Variants in CNNM2 observed in about 807,000 individuals in gnomAD.
CNNM2 encodes cyclin and CBS domain divalent metal cation transport mediator 2.
CNNM2 carries 12 observed loss-of-function variants against 66.9 expected under a neutral mutation model. The ratio of observed to expected loss-of-function variants is 0.18; its 90% CI spans 0.11 to 0.29. CNNM2 has a LOEUF of 0.29. Ranked by LOEUF, CNNM2 falls within the 10% of genes least tolerant of loss-of-function variation. The pLI, the probability that CNNM2 is intolerant of heterozygous loss-of-function variation, is 1.00. For synonymous variants in CNNM2, 557 were observed against 501.8 expected (o/e 1.11, Z -1.47); for missense variants, 705 against 1,167.7 (o/e 0.60, Z 5.77).
At chr10:103,041,964 G>T (rs370449735) in intron 1 of CNNM2, among the ~76,000 whole-genome samples, 3 of 152,102 alleles carry the variant, frequency 2.0e-5, no homozygotes, top group East Asian at 3.9e-4. Flanking sequence ...CTCAGTTTTT[G>T]TCTGTAGCTT....
chr10:103,062,239 T>G (rs909781310), intron 4 of CNNM2, among the ~76,000 whole-genome samples: 1 of 152,208 alleles, frequency 6.6e-6, no homozygotes, highest in African/African-American at 2.4e-5. Context: ...CAAAAGGGAC[T>G]TTTCCCTATA....
At chr10:102,947,622 AC>A (rs1302549677) in intron 1 of CNNM2, among the ~76,000 whole-genome samples, 1 of 151,956 alleles carries the variant, frequency 6.6e-6, no homozygotes, top group Non-Finnish European at 1.5e-5. Context: ...GTAGTGGTGC[AC>A]GCCTGTAATC....
At chr10:103,037,270 A>G (rs1053682995) in intron 1 of CNNM2, among the ~76,000 whole-genome samples, 1 of 148,100 alleles carries the variant, frequency 6.8e-6, no homozygotes, top group Non-Finnish European at 1.5e-5. Flanking sequence ...TATAATAAAT[A>G]TATATATTTT....
At chr10:103,028,570 A>G (rs906384416) in intron 1 of CNNM2, among the ~76,000 whole-genome samples, 1 of 152,216 alleles carries the variant, frequency 6.6e-6, no homozygotes, top group Non-Finnish European at 1.5e-5. Context: ...GTACAATTAA[A>G]TAGGAAATGA....
chr10:102,983,319 T>G (rs1020643525), intron 1 of CNNM2, among the ~76,000 whole-genome samples: 1 of 148,026 alleles, frequency 6.8e-6, no homozygotes, highest in African/African-American at 2.4e-5. Context: ...CCTAGCTGTC[T>G]TTAAAATATT....
At chr10:102,951,088 A>C (rs1308076289) in intron 1 of CNNM2, among the ~76,000 whole-genome samples, 2 of 149,704 alleles carry the variant, frequency 1.3e-5, no homozygotes, top group African/African-American at 4.9e-5. Flanking sequence ...CTTGGATTCA[A>C]GCAATTCTCC....
At chr10:102,939,294 A>G (rs1358450749) in intron 1 of CNNM2, among the ~76,000 whole-genome samples, 2 of 152,110 alleles carry the variant, frequency 1.3e-5, no homozygotes, top group Admixed American at 6.5e-5. Context: ...TTAGCTGTCT[A>G]TTTTTCCTTT....
In CNNM2 at chr10:102,975,469, G is replaced by GAAAAAAAA. The variant is rs57482469; in HGVS notation, c.1621+55380_1621+55387dup. Among the ~76,000 whole-genome samples, 69 of 119,134 alleles carry GAAAAAAAA rather than the reference G, an allele frequency of 5.8e-4. 3 individuals are homozygous for GAAAAAAAA. The highest frequency in any genetic ancestry group is 6.7e-4 in the Non-Finnish European group (40 of 59,974). The allele number at this position is 119,134 out of a possible 152,430, so 78.2% of individuals were successfully genotyped here. ...GAGTGGATTCTGTGGGATGGAATTA[G>GAAAAAAAA]AAAAAAAAAAAAAAAAAAACAAACC... is the stretch of plus-strand genomic sequence containing the variant. On this transcript the variant is annotated intron_variant, in intron 1 of 7. Coordinates refer to ENST00000369878, the MANE Select transcript of CNNM2 (RefSeq NM_017649.5).
chr10:102,958,513 C>A (rs1847136699), intron 1 of CNNM2, among the ~76,000 whole-genome samples: 1 of 121,600 alleles, frequency 8.2e-6, no homozygotes, highest in Non-Finnish European at 1.6e-5. Context: ...ATCTGTCACC[C>A]AGGCTGGAGT....
chr10:103,030,577 G>A (rs753541437), intron 1 of CNNM2, among the ~76,000 whole-genome samples: 8 of 152,104 alleles, frequency 5.3e-5, no homozygotes, highest in Non-Finnish European at 7.4e-5. Context: ...TTAGCCAGGC[G>A]TGGTGGCACA....
chr10:103,037,915 C>T (rs1204448341), intron 1 of CNNM2, among the ~76,000 whole-genome samples: 1 of 152,116 alleles, frequency 6.6e-6, no homozygotes, highest in Non-Finnish European at 1.5e-5. Flanking sequence ...TCTTGGCTCA[C>T]TGCAACCTCC....
chr10:102,957,385 G>C (rs565190205), intron 1 of CNNM2, among the ~76,000 whole-genome samples: 1 of 152,316 alleles, frequency 6.6e-6, no homozygotes, highest in South Asian at 2.1e-4. Context: ...TTCTCCTTGA[G>C]GGGATGGGAA....
At chr10:102,984,882 A>G (rs185010498) in intron 1 of CNNM2, among the ~76,000 whole-genome samples, 116 of 152,076 alleles carry the variant, frequency 7.6e-4, no homozygotes, top group African/African-American at 2.6e-3. Flanking sequence ...CCTGACCTCA[A>G]ATGATCCACC....
chr10:103,085,600 T>C lies in CNNM2; in HGVS notation c.*8420T>C, dbSNP rs1363768689. Reference sequence around the variant, plus strand: ...TGGGAGACCAGAACATCTGGGGACATAGTTGTACCTAGTTATTTTGTGTGA... The same window carrying C: ...TGGGAGACCAGAACATCTGGGGACACAGTTGTACCTAGTTATTTTGTGTGA... On this transcript the variant is annotated 3_prime_UTR_variant, in exon 8 of 8. Transcript: ENST00000369878. 1 of 152,194 alleles carries C rather than the reference T, an allele frequency of 6.6e-6. No homozygotes were observed. The highest frequency in any genetic ancestry group is 6.5e-5 in the Admixed American group (1 of 15,278). The allele number at this position is 152,194 out of a possible 1,614,324, so 9.4% of individuals were successfully genotyped here.
intron 1 of CNNM2, among the ~76,000 whole-genome samples, chr10:102,998,299 CA>C (rs2064042242): frequency 1.3e-5 from 2 of 152,268 alleles, no homozygotes; most frequent in South Asian, 4.1e-4. Flanking sequence ...TAGTAGGTGA[CA>C]GAGGAAATTA....
At chr10:102,949,642 C>T (rs1403601565) in intron 1 of CNNM2, among the ~76,000 whole-genome samples, 3 of 151,884 alleles carry the variant, frequency 2.0e-5, no homozygotes, top group Admixed American at 6.6e-5. Flanking sequence ...TAAAAATACG[C>T]GCGTGGTGGC....
chr10:102,976,963 C>T (rs1388378279), intron 1 of CNNM2, among the ~76,000 whole-genome samples: 2 of 152,138 alleles, frequency 1.3e-5, no homozygotes, highest in African/African-American at 2.4e-5. Context: ...TTGCTGTTAA[C>T]ATCATGCAGC....
Position 102,931,191 on chromosome 10 carries a change from T to C in CNNM2, c.1621+11090T>C, listed in dbSNP as rs530474495. Among the ~76,000 whole-genome samples, 6 of 152,228 alleles carry C rather than the reference T, an allele frequency of 3.9e-5. No individual in the cohort carries two copies. The South Asian group carries it at 1.0e-3, about 26-fold the overall frequency. On this transcript the variant is annotated intron_variant, in intron 1 of 7. Coordinates refer to ENST00000369878, the MANE Select transcript of CNNM2 (RefSeq NM_017649.5). ...CTTCTGCCTCAGTGCCCCTGCTTGG[T>C]ATGTCTTCATGAAGGATGTTTTAAA...
intron 1 of CNNM2, among the ~76,000 whole-genome samples, chr10:102,999,953 T>C (rs981006215): frequency 3.3e-5 from 5 of 152,150 alleles, no homozygotes; most frequent in Admixed American, 2.0e-4. Context: ...TAAAATGGAA[T>C]AGCTGGGCAT....
Sources: gnomAD v4.1 joint callset for allele counts (sites outside exome capture counted in the v4.1 genomes callset) on GRCh38, gnomAD v4.1.1 for gene constraint, MANE v1.5 for transcripts, NCBI Gene and HGNC (gene_info 2026-07-23, HGNC 2026-07-21) for gene names.